CACNA1C: variants seen among roughly 807,000 people sequenced by gnomAD.
The protein encoded by CACNA1C is voltage-dependent L-type calcium channel subunit alpha-1C.
Under a neutral mutation model 229.0 loss-of-function variants are expected in CACNA1C, and 30 were observed. The observed-to-expected ratio is 0.13, with a 90% CI of 0.10 to 0.18. The LOEUF is 0.18. Ranked by LOEUF, CACNA1C falls within the 10% of genes least tolerant of loss-of-function variation. CACNA1C has a pLI of 1.00. For missense variants in CACNA1C, 1,658 were observed against 2,845.0 expected, an observed-to-expected ratio of 0.58 and a Z score of 9.49; for synonymous variants, 1,114 against 1,132.5, an observed-to-expected ratio of 0.98 and a Z score of 0.33.
intron 3 of CACNA1C, among the ~76,000 whole-genome samples, chr12:2,293,969 G>A (rs2093759737): frequency 1.3e-5 from 2 of 152,102 alleles, no homozygotes; most frequent in Admixed American, 6.5e-5. Context: ...GTCTTCTTTT[G>A]TGCTAATATA....
At chr12:2,514,895 C>G (rs1235414955) in intron 9 of CACNA1C, among the ~76,000 whole-genome samples, 1 of 152,202 alleles carries the variant, frequency 6.6e-6, no homozygotes, top group Admixed American at 6.5e-5. Flanking sequence ...TTATTTGCTG[C>G]TGGAGCAGAT....
At chr12:2,147,890 C>T (rs2094870572) in intron 3 of CACNA1C, among the ~76,000 whole-genome samples, 1 of 151,076 alleles carries the variant, frequency 6.6e-6, no homozygotes, top group African/African-American at 2.4e-5. Flanking sequence ...TTACCATTGT[C>T]AGTTGTGCAG....
intron 1 of CACNA1C, among the ~76,000 whole-genome samples, chr12:2,081,320 C>G (rs190964772): frequency 1.9e-4 from 29 of 151,432 alleles, no homozygotes; most frequent in Admixed American, 1.1e-3. Flanking sequence ...CCTGTAATCC[C>G]AACACTCTGG....
At chr12:2,550,548 G>C (rs2099897422) in intron 10 of CACNA1C, 2 of 1,351,584 alleles carry the variant, frequency 1.5e-6, no homozygotes, top group African/African-American at 2.9e-5. Context: ...TGCCAGTAAG[G>C]GAAGCAGAAG....
At chr12:2,450,360 C>G (rs1047912131) in intron 4 of CACNA1C, among the ~76,000 whole-genome samples, 3 of 151,712 alleles carry the variant, frequency 2.0e-5, no homozygotes, top group Non-Finnish European at 4.4e-5. Context: ...CGAGACCATC[C>G]TGGCTAACAC....
chr12:2,174,810 C>A (rs1049792541), intron 3 of CACNA1C, among the ~76,000 whole-genome samples: 1 of 152,116 alleles, frequency 6.6e-6, no homozygotes, highest in African/African-American at 2.4e-5. Context: ...TGTATTCTTA[C>A]AATAAAGTAG....
intron 3 of CACNA1C, among the ~76,000 whole-genome samples, chr12:2,383,296 G>A (rs769081896): frequency 7.2e-5 from 11 of 152,156 alleles, no homozygotes; most frequent in African/African-American, 1.2e-4. Flanking sequence ...GGGTTGTCTC[G>A]TGGCGATGCT....
chr12:2,482,608 G>C (rs2099680782), intron 5 of CACNA1C, among the ~76,000 whole-genome samples: 1 of 152,216 alleles, frequency 6.6e-6, no homozygotes, highest in South Asian at 2.1e-4. Flanking sequence ...TCAAGTTGGA[G>C]GGCCTTTGGT....
intron 1 of CACNA1C, chr12:2,004,170 T>A: frequency 2.7e-5 from 38 of 1,431,174 alleles, no homozygotes; most frequent in East Asian, 5.2e-5. Flanking sequence ...ATCCACCCAC[T>A]TCCAGGGCGT....
chr12:2,623,787 AG>A (rs2153517959), intron 29 of CACNA1C, among the ~76,000 whole-genome samples: 1 of 152,172 alleles, frequency 6.6e-6, no homozygotes, highest in African/African-American at 2.4e-5. Flanking sequence ...TCCTCGCAAA[AG>A]TGACTCCAGC....
At chr12:2,324,112 T>C (rs1347471601) in intron 3 of CACNA1C, among the ~76,000 whole-genome samples, 1 of 152,200 alleles carries the variant, frequency 6.6e-6, no homozygotes, top group Non-Finnish European at 1.5e-5. Context: ...TTGTCAATCC[T>C]TCCCTTCAAG....
At position 2,432,182 on chromosome 12, in the gene CACNA1C, C is replaced by T. The variant is rs141401866; in HGVS notation, c.478-16794C>T. Among the ~76,000 whole-genome samples the T allele has an allele frequency of 6.8e-4, 104 of 152,248 alleles. 1 individual carries two copies. Among genetic ancestry groups the T allele is most frequent in the Non-Finnish European group, 1.3e-3 (88 of 68,010 alleles). On this transcript the variant is annotated intron_variant, in intron 3 of 46. Coordinates refer to ENST00000399655, the MANE Select transcript of CACNA1C (RefSeq NM_000719.7). The stretch of plus-strand genomic sequence containing the variant: ...GCAAACACTTTTTAAATTAGATCTG[C>T]CTTCAGTATGGGTGTCAGACAGTTT...
intron 3 of CACNA1C, among the ~76,000 whole-genome samples, chr12:2,407,925 C>T (rs2098757161): frequency 6.6e-6 from 1 of 152,200 alleles, no homozygotes; most frequent in African/African-American, 2.4e-5. Context: ...TCTCCTCCAG[C>T]CAAACACCAC....
chr12:2,317,618 C>G (rs901072237), intron 3 of CACNA1C, among the ~76,000 whole-genome samples: 15 of 152,182 alleles, frequency 9.9e-5, no homozygotes, highest in Admixed American at 3.3e-4. Context: ...CATACTTATA[C>G]ATGGTTAAGA....
chr12:2,411,565 C>T (rs1261709265), intron 3 of CACNA1C, among the ~76,000 whole-genome samples: 1 of 152,216 alleles, frequency 6.6e-6, no homozygotes, highest in Non-Finnish European at 1.5e-5. Context: ...AGTCCCCGGG[C>T]CCTGGCCTTG....
rs1341844869 is a variant in CACNA1C, at chr12:2,608,032, C to T, written c.3357-479C>T. 6.5e-6 allele frequency: 1 copy of T among 153,776 alleles called. No individual in the cohort carries two copies. Among genetic ancestry groups the T allele is most frequent in the Admixed American group, 6.5e-5 (1 of 15,498 alleles). 9.5% of individuals were successfully genotyped at this position (153,776 alleles called of 1,614,324 possible). A position where few individuals can be genotyped will look rare whatever the true frequency, so the allele number is the denominator to read the frequency against. ...TAAACTGCTTATGTCTAAAACCAGGCCATTGGTGATGATCGGAGTAGCATG... is the reference window on the plus strand; with the variant it reads ...TAAACTGCTTATGTCTAAAACCAGGTCATTGGTGATGATCGGAGTAGCATG... On this transcript the variant is annotated intron_variant, in intron 26 of 46. Coordinates refer to ENST00000399655, the MANE Select transcript of CACNA1C (RefSeq NM_000719.7). The surrounding 1 kb of genome is among the most constrained non-coding windows in gnomAD (Gnocchi z 4.2).
intron 3 of CACNA1C, among the ~76,000 whole-genome samples, chr12:2,304,450 A>G (rs953796302): frequency 2.0e-5 from 3 of 152,152 alleles, no homozygotes; most frequent in African/African-American, 7.2e-5. Context: ...ATCCCCTACC[A>G]CCAGCTTGTT....
At chr12:2,298,934 G>A (rs908830977) in intron 3 of CACNA1C, among the ~76,000 whole-genome samples, 4 of 152,162 alleles carry the variant, frequency 2.6e-5, no homozygotes, top group African/African-American at 9.7e-5. Flanking sequence ...TCCCACCTCC[G>A]GGGACTTCAT....
intron 13 of CACNA1C, among the ~76,000 whole-genome samples, chr12:2,572,037 CTT>C (rs5796014): frequency 0.63 from 80,758 of 128,442 alleles, 25,221 homozygotes; most frequent in East Asian, 0.84. Context: ...AATTTCTTCT[CTT>C]TTTTTTTTTT....
Sources: gnomAD v4.1 joint callset for allele counts (sites outside exome capture counted in the v4.1 genomes callset) on GRCh38, gnomAD v4.1.1 for gene constraint, Gnocchi (gnomAD v3.1) non-coding constraint, MANE v1.5 for transcripts, NCBI Gene and HGNC (gene_info 2026-07-23, HGNC 2026-07-21) for gene names.